Variants in NAALADL2 observed in about 807,000 individuals in gnomAD.
NAALADL2 encodes N-acetylated alpha-linked acidic dipeptidase like 2.
NAALADL2 carries 76 observed loss-of-function variants against 87.2 expected under a neutral mutation model. The ratio of observed to expected loss-of-function variants is 0.87; its 90% CI spans 0.72 to 1.05. The LOEUF is 1.05. Ranked by LOEUF, NAALADL2 falls within the 50% of genes least tolerant of loss-of-function variation. The probability of loss-of-function intolerance (pLI) is 0.00; values close to 1 mark genes in which losing one functional copy is unlikely to be tolerated. For missense variants in NAALADL2, 1,089 were observed against 945.8 expected (o/e 1.15, Z -1.99); for synonymous variants, 354 against 331.0 (o/e 1.07, Z -0.75).
chr3:174,473,810 A>G (rs535490887), intron 1 of NAALADL2, among the ~76,000 whole-genome samples: 12 of 152,256 alleles, frequency 7.9e-5, no homozygotes, highest in Non-Finnish European at 1.6e-4. Context: ...TCGTATTTTG[A>G]GGCTGTATTA....
chr3:175,291,839 C>T (rs1452692431), intron 4 of NAALADL2, among the ~76,000 whole-genome samples: 4 of 151,968 alleles, frequency 2.6e-5, no homozygotes, highest in Non-Finnish European at 4.4e-5. Flanking sequence ...CTGCAATTAC[C>T]CAGTATAGTA....
chr3:175,139,922 C>T (rs563770790), intron 2 of NAALADL2, among the ~76,000 whole-genome samples: 1 of 151,972 alleles, frequency 6.6e-6, no homozygotes, highest in South Asian at 2.1e-4. Flanking sequence ...ATTTATATAG[C>T]GCTAATTGGG....
intron 3 of NAALADL2, among the ~76,000 whole-genome samples, chr3:174,844,804 A>G (rs1300604628): frequency 4.6e-5 from 5 of 107,736 alleles, no homozygotes; most frequent in Non-Finnish European, 7.9e-5. Flanking sequence ...TTATCCTGCA[A>G]TTTTAATGAA....
chr3:174,847,804 GAAA>G (rs59583247), intron 3 of NAALADL2, among the ~76,000 whole-genome samples: 16 of 138,878 alleles, frequency 1.2e-4, no homozygotes, highest in Non-Finnish European at 2.1e-4. Flanking sequence ...GTATGTATTT[GAAA>G]AAAAAAAAAA....
At chr3:175,402,908 G>GT (rs1711580931) in intron 5 of NAALADL2, among the ~76,000 whole-genome samples, 1 of 152,002 alleles carries the variant, frequency 6.6e-6, no homozygotes, top group Non-Finnish European at 1.5e-5. Flanking sequence ...GAAGGGCAAG[G>GT]TCATATTCAC....
intron 1 of NAALADL2, among the ~76,000 whole-genome samples, chr3:175,049,975 C>T (rs1489287296): frequency 7.0e-6 from 1 of 143,658 alleles, no homozygotes; most frequent in African/African-American, 2.7e-5. Context: ...TGTGTGGAGT[C>T]TGCACATTTT....
chr3:175,795,609 G>A (rs1329530537), intron 13 of NAALADL2, among the ~76,000 whole-genome samples: 1 of 152,042 alleles, frequency 6.6e-6, no homozygotes, highest in African/African-American at 2.4e-5. Flanking sequence ...TGTGAACCTG[G>A]GAGGCGGAGC....
chr3:175,778,620 A>C (rs780670685), intron 13 of NAALADL2, among the ~76,000 whole-genome samples: 3 of 152,196 alleles, frequency 2.0e-5, no homozygotes, highest in Non-Finnish European at 4.4e-5. Context: ...AAAGCTTTTT[A>C]TTGTATATGT....
intron 2 of NAALADL2, among the ~76,000 whole-genome samples, chr3:174,647,152 A>T (rs1723877558): frequency 6.6e-6 from 1 of 152,198 alleles, no homozygotes; most frequent in African/African-American, 2.4e-5. Context: ...ATACAATCTC[A>T]TTGACTTCTC....
At chr3:174,629,293 T>C (rs931227931) in intron 2 of NAALADL2, among the ~76,000 whole-genome samples, 5 of 152,194 alleles carry the variant, frequency 3.3e-5, no homozygotes, top group African/African-American at 1.2e-4. Context: ...TGACATTTAG[T>C]TACCATGCCC....
chr3:174,573,349 C>A (rs1485837707), intron 2 of NAALADL2, among the ~76,000 whole-genome samples: 1 of 152,118 alleles, frequency 6.6e-6, no homozygotes. Flanking sequence ...CTCACTGCAG[C>A]CTTGACATCC....
intron 11 of NAALADL2, among the ~76,000 whole-genome samples, chr3:175,701,195 T>C (rs1473420841): frequency 3.3e-5 from 5 of 152,076 alleles, no homozygotes; most frequent in Admixed American, 3.3e-4. Context: ...TTGGGGAAGC[T>C]GGAGGTGGGC....
In NAALADL2 at chr3:175,409,784, A is replaced by G. The variant is rs576011790; in HGVS notation, c.1091-37445A>G. Among the ~76,000 whole-genome samples the G allele has an allele frequency of 9.2e-5, 14 of 152,158 alleles. No individual in the cohort carries two copies. In the South Asian group the frequency reaches 2.9e-3, roughly 31 times the overall value. Reference sequence around the variant, plus strand: ...TTTCTTGTTTTAGACATATTTAATGATGTATAAACTTAGAGAAAGAACACT... The same window carrying G: ...TTTCTTGTTTTAGACATATTTAATGGTGTATAAACTTAGAGAAAGAACACT... On this transcript the variant is annotated intron_variant, in intron 5 of 13. Transcript: ENST00000454872.
intron 1 of NAALADL2, among the ~76,000 whole-genome samples, chr3:174,968,246 A>G (rs1256918175): frequency 1.3e-5 from 2 of 152,142 alleles, no homozygotes; most frequent in African/African-American, 4.8e-5. Flanking sequence ...CTACCAGTAT[A>G]GTAATTGAAA....
intron 1 of NAALADL2, among the ~76,000 whole-genome samples, chr3:174,513,116 C>T (rs372917320): frequency 5.3e-5 from 8 of 152,128 alleles, no homozygotes; most frequent in African/African-American, 1.9e-4. Context: ...CGTGTGCCAC[C>T]ACGCCTGGCT....
intron 3 of NAALADL2, among the ~76,000 whole-genome samples, chr3:174,766,800 A>T (rs1713857128): frequency 1.3e-5 from 2 of 152,226 alleles, no homozygotes; most frequent in Admixed American, 1.3e-4. Context: ...GAACATAACC[A>T]GCAAAATTTC....
At chr3:175,704,866 G>T (rs2149980316) in intron 11 of NAALADL2, among the ~76,000 whole-genome samples, 1 of 152,266 alleles carries the variant, frequency 6.6e-6, no homozygotes, top group East Asian at 1.9e-4. Flanking sequence ...GGAACTAAAA[G>T]TTTCATGTAA....
chr3:175,538,689 A>T (rs1238892848), intron 9 of NAALADL2, among the ~76,000 whole-genome samples: 1 of 152,194 alleles, frequency 6.6e-6, no homozygotes, highest in Non-Finnish European at 1.5e-5. Flanking sequence ...AAATCCAAGA[A>T]GGTACAACCT....
chr3:175,551,497 T>C (rs1390757337), intron 9 of NAALADL2, among the ~76,000 whole-genome samples: 1 of 152,206 alleles, frequency 6.6e-6, no homozygotes, highest in East Asian at 1.9e-4. Context: ...AGTTGTTAAA[T>C]CTTCCCCTAT....
Sources: allele counts gnomAD v4.1 joint callset (sites outside exome capture counted in the v4.1 genomes callset), GRCh38; gene constraint gnomAD v4.1.1; transcripts MANE v1.5; gene names NCBI Gene and HGNC (gene_info 2026-07-23, HGNC 2026-07-21).